The following LINGO2 variants were observed in gnomAD, a reference collection of about 807,000 sequenced individuals.
LINGO2 encodes leucine rich repeat and Ig domain containing 2, also known as leucine-rich repeat and immunoglobulin-like domain-containing nogo receptor-interacting protein 2.
In LINGO2, 14 loss-of-function variants were observed where a neutral mutation model predicts 30.6. The ratio of observed to expected loss-of-function variants is 0.46; its 90% CI spans 0.30 to 0.72. LINGO2 has a LOEUF of 0.72. Among genes scored for constraint, LINGO2 ranks in the 30% least tolerant of loss-of-function variants. LINGO2 has a pLI of 0.07. For missense variants in LINGO2, 729 were observed against 751.7 expected, an observed-to-expected ratio of 0.97 and a Z score of 0.35; for synonymous variants, 317 against 288.5, an observed-to-expected ratio of 1.10 and a Z score of -1.00.
chr9:29,037,852 A>G, the LINGO2 span, among the ~76,000 whole-genome samples: 20 of 152,160 alleles, frequency 1.3e-4, no homozygotes, highest in African/African-American at 4.8e-4. Context: ...CAATTTAACA[A>G]TATTCAATAT....
chr9:29,207,096 C>T, the LINGO2 span, among the ~76,000 whole-genome samples: 51,178 of 150,970 alleles, frequency 0.34, 9,072 homozygotes, highest in African/African-American at 0.43. Flanking sequence ...GACTCTCCCT[C>T]CCTATGTATG....
At chr9:28,568,604 A>G (rs1053461810) in intron 1 of LINGO2, among the ~76,000 whole-genome samples, 2 of 152,086 alleles carry the variant, frequency 1.3e-5, no homozygotes, top group Non-Finnish European at 2.9e-5. Flanking sequence ...GAGAAAAAAG[A>G]CTTGTCACAT....
chr9:28,794,121 T>C, the LINGO2 span, among the ~76,000 whole-genome samples: 8 of 152,048 alleles, frequency 5.3e-5, no homozygotes, highest in Admixed American at 3.9e-4. Context: ...CTGGCCAACA[T>C]AGTGAAACCC....
At chr9:28,319,622 T>G (rs1824966981) in intron 3 of LINGO2, among the ~76,000 whole-genome samples, 1 of 152,176 alleles carries the variant, frequency 6.6e-6, no homozygotes, top group African/African-American at 2.4e-5. Context: ...AAGTGTTACA[T>G]ACTGTATGAT....
At chr9:29,055,518 T>G in the LINGO2 span, among the ~76,000 whole-genome samples, 1 of 152,208 alleles carries the variant, frequency 6.6e-6, no homozygotes, top group South Asian at 2.1e-4. Context: ...AACATGAAAG[T>G]CTGAATATCT....
intron 5 of LINGO2, among the ~76,000 whole-genome samples, chr9:27,988,702 G>C (rs1354459755): frequency 1.3e-5 from 2 of 151,368 alleles, no homozygotes; most frequent in Non-Finnish European, 3.0e-5. Context: ...GTTTGTTTCT[G>C]TTCTCCCTAT....
At chr9:28,143,688 G>A (rs1366182130) in intron 4 of LINGO2, among the ~76,000 whole-genome samples, 1 of 151,044 alleles carries the variant, frequency 6.6e-6, no homozygotes, top group East Asian at 1.9e-4. Flanking sequence ...GTTTAACATA[G>A]AACAAACATG....
the LINGO2 span, among the ~76,000 whole-genome samples, chr9:28,836,200 C>T: frequency 6.6e-5 from 10 of 152,176 alleles, no homozygotes; most frequent in African/African-American, 2.4e-4. Context: ...AGATTTGTGA[C>T]TGACGGGAAA....
chr9:28,938,023 A>T, the LINGO2 span, among the ~76,000 whole-genome samples: 1 of 152,248 alleles, frequency 6.6e-6, no homozygotes, highest in Non-Finnish European at 1.5e-5. Flanking sequence ...CCCATTTACA[A>T]GTGAAAACAG....
intron 2 of LINGO2, among the ~76,000 whole-genome samples, chr9:28,468,126 T>G (rs1757799071): frequency 6.6e-6 from 1 of 152,078 alleles, no homozygotes; most frequent in Non-Finnish European, 1.5e-5. Context: ...TATCTGATAG[T>G]CAAAAATCTA....
intron 4 of LINGO2, among the ~76,000 whole-genome samples, chr9:28,112,156 G>T (rs1402061218): frequency 3.0e-5 from 2 of 65,878 alleles, no homozygotes; most frequent in Non-Finnish European, 3.0e-5. Context: ...GAGAATATGC[G>T]GTGTTTGGTT....
At chr9:28,944,658 G>A in the LINGO2 span, among the ~76,000 whole-genome samples, 29 of 151,842 alleles carry the variant, frequency 1.9e-4, no homozygotes, top group South Asian at 2.1e-4. Flanking sequence ...TGCCCACCTC[G>A]GCCTCCCAAC....
chr9:29,054,485 T>C, the LINGO2 span, among the ~76,000 whole-genome samples: 1 of 152,212 alleles, frequency 6.6e-6, no homozygotes, highest in Non-Finnish European at 1.5e-5. Context: ...AAGATGGAAT[T>C]GTTTTCCTAC....
chr9:28,549,877 CT>C (rs1318425490), intron 1 of LINGO2, among the ~76,000 whole-genome samples: 1 of 151,300 alleles, frequency 6.6e-6, no homozygotes, highest in Non-Finnish European at 1.5e-5. Flanking sequence ...TCATTTTACC[CT>C]CCATTTTTGA....
chr9:28,226,382 T>C (rs1185435012), intron 4 of LINGO2, among the ~76,000 whole-genome samples: 4 of 152,000 alleles, frequency 2.6e-5, no homozygotes, highest in Non-Finnish European at 5.9e-5. Context: ...AGAAATGTCT[T>C]CCCAGTCTCT....
intron 3 of LINGO2, among the ~76,000 whole-genome samples, chr9:28,368,669 T>C (rs1233514697): frequency 6.6e-6 from 1 of 150,974 alleles, no homozygotes; most frequent in Non-Finnish European, 1.5e-5. Flanking sequence ...CTATCTCGGC[T>C]CACTGCAAGC....
intron 1 of LINGO2, among the ~76,000 whole-genome samples, chr9:28,635,726 C>T (rs1209925967): frequency 6.6e-6 from 1 of 151,860 alleles, no homozygotes; most frequent in Non-Finnish European, 1.5e-5. Flanking sequence ...ATAAATGTAA[C>T]AGAACCATAA....
intron 1 of LINGO2, among the ~76,000 whole-genome samples, chr9:28,565,249 G>T (rs1176559268): frequency 6.6e-6 from 1 of 151,800 alleles, no homozygotes; most frequent in Admixed American, 6.6e-5. Flanking sequence ...GTGCAGTGGC[G>T]CCATCTCAGC....
In LINGO2 at chr9:28,036,104, A is replaced by G. The variant is rs1256437545; in HGVS notation, c.-86-23699T>C. ...GTTAAAGAATTTAAATGAGACCTAA[A>G]GGAGTTTTCTACTGGTGAGGCAGTA... On this transcript the variant is annotated intron_variant, in intron 4 of 5. Coordinates refer to ENST00000379992, the Ensembl canonical transcript of LINGO2. 3.9e-5 allele frequency among the ~76,000 whole-genome samples: 6 copies of G among 152,218 alleles called. No homozygotes were observed. In the East Asian group the frequency reaches 1.2e-3, roughly 29 times the overall value.
Sources: allele counts gnomAD v4.1 joint callset (sites outside exome capture counted in the v4.1 genomes callset), GRCh38; gene constraint gnomAD v4.1.1; transcripts MANE v1.5; gene names NCBI Gene and HGNC (gene_info 2026-07-23, HGNC 2026-07-21).